The following IGSF9 variants were observed in gnomAD, a reference collection of about 807,000 sequenced individuals.
IGSF9 encodes the protein immunoglobulin superfamily member 9.
Under a neutral mutation model 121.7 loss-of-function variants are expected in IGSF9, and 87 were observed. That is an observed-to-expected ratio of 0.71 (90% CI 0.60 to 0.85). The LOEUF (loss-of-function observed/expected upper bound fraction) is 0.85, where lower values mean the gene tolerates loss of function less well. Among genes scored for constraint, IGSF9 ranks in the 40% least tolerant of loss-of-function variants. IGSF9 has a pLI of 0.00. For missense variants in IGSF9, 1,462 were observed against 1,565.3 expected, an observed-to-expected ratio of 0.93 and a Z score of 1.11; for synonymous variants, 640 against 648.4, an observed-to-expected ratio of 0.99 and a Z score of 0.20.
At chr1:159,933,984 C>T (rs201430271) in intron 9 of IGSF9, 1 of 600,936 alleles carries the variant, frequency 1.7e-6, no homozygotes, top group Non-Finnish European at 2.9e-6. Flanking sequence ...AAAGAAGACA[C>T]AAAACCACCA....
chr1:159,935,031 C>T (rs2101879107), intron 6 of IGSF9, among the ~76,000 whole-genome samples: 1 of 152,322 alleles, frequency 6.6e-6, no homozygotes, highest in South Asian at 2.1e-4. Context: ...CAAATTCTCT[C>T]TGTTCCATCA....
At chr1:159,939,021 C>G (rs975569353) in intron 3 of IGSF9, among the ~76,000 whole-genome samples, 1 of 151,980 alleles carries the variant, frequency 6.6e-6, no homozygotes, top group African/African-American at 2.4e-5. Context: ...CTAGATTCCT[C>G]GATTACCTCC....
At chr1:159,937,664 C>G (rs377333964) in intron 4 of IGSF9, 22 bp downstream of exon 4, 42 of 1,604,630 alleles carry the variant, frequency 2.6e-5, no homozygotes, top group Non-Finnish European at 3.4e-5. Context: ...CCTTCTCCAC[C>G]ACCTGCCCCC....
In IGSF9 at chr1:159,928,544, G is replaced by T; in HGVS notation, c.2844C>A (p.Ser948Arg). 1 of 1,552,288 alleles carries T rather than the reference G, an allele frequency of 6.4e-7. No homozygotes were observed. The highest frequency in any genetic ancestry group is 2.3e-5 in the East Asian group (1 of 43,892). ...DGDWPPLEEP[S>R]PAAPPDYMDT... ...CCATGTAATCTGGGGGTGCAGCAGG[G>T]CTGGGCTCCTCAAGCGGGGGCCAGT... is the stretch of plus-strand genomic sequence containing the variant. Residue 948 changes from serine (S) to arginine (R), a missense_variant, in exon 19 of 21, where the codon AGC becomes AGA. Physicochemically the swap from Ser to Arg is moderately radical, Grantham distance 110 (BLOSUM62 -1). This residue lies in a region of IGSF9 where 808 missense variants were observed against 815.2 expected (regional missense o/e 0.99). Transcript: ENST00000368094.
intron 3 of IGSF9, among the ~76,000 whole-genome samples, chr1:159,942,743 AGTGTGTGTGT>A (rs59358917): frequency 2.0e-5 from 3 of 150,288 alleles, no homozygotes; most frequent in Admixed American, 6.6e-5. Context: ...TAAGAGTGTG[AGTGTGTGTGT>A]GTGTGTGTGT....
At chr1:159,940,578 G>A (rs1651342545) in intron 3 of IGSF9, among the ~76,000 whole-genome samples, 1 of 152,192 alleles carries the variant, frequency 6.6e-6, no homozygotes, top group Non-Finnish European at 1.5e-5. Flanking sequence ...CACCTAAATG[G>A]GCAAGTTCAC....
chr1:159,928,874 TC>T lies in IGSF9; in HGVS notation c.2513del (p.Gly838AspfsTer17). On this transcript the variant is annotated frameshift_variant, in exon 19 of 21. Coordinates refer to ENST00000368094, the MANE Select transcript of IGSF9 (RefSeq NM_001135050.2). LOFTEE classifies it high-confidence loss of function. ...GGCAAATGGGCTCCAGAGGTAAGGG[TC>T]CCCGGCTAGATGGAGGATCCGGGTG... ...SPHPDPPSSR[G>X]PLPLEPICRG... The T allele has an allele frequency of 6.3e-7, 1 of 1,592,464 alleles. No individual in the cohort carries two copies. The highest frequency in any genetic ancestry group is 8.5e-7 in the Non-Finnish European group (1 of 1,170,110).
Position 159,928,158 on chromosome 1 carries a change from C to T in IGSF9, c.3230G>A (p.Arg1077Lys), listed in dbSNP as rs755610754. The change falls in exon 19 of 21, where the codon AGG becomes AAG. Residue 1077 changes from arginine to lysine, a missense_variant and splice_region_variant. By Grantham distance (26) the Arg-to-Lys change is conservative. Around this residue, in one of 3 missense-constraint regions of IGSF9, gnomAD observed 808 missense variants for 815.2 expected, o/e 0.99. Coordinates refer to ENST00000368094, the MANE Select transcript of IGSF9 (RefSeq NM_001135050.2). ...AGGGATGGGCAGGGACTGCTCTCAC[C>T]TCTTGCTGACTGTCACCACATGCTC... Reference protein sequence around the residue: ...RREHVVTVSKRRNTSVDENYE... With the variant: ...RREHVVTVSKKRNTSVDENYE... 1.2e-6 allele frequency: 2 copies of T among 1,606,114 alleles called. No individual in the cohort carries two copies. The highest frequency in any genetic ancestry group is 2.2e-5 in the East Asian group (1 of 44,880).
intron 3 of IGSF9, among the ~76,000 whole-genome samples, chr1:159,941,397 G>C (rs914743095): frequency 5.3e-5 from 8 of 152,240 alleles, no homozygotes; most frequent in African/African-American, 1.9e-4. Flanking sequence ...CCTCCCTCAG[G>C]TCCCAACTCC....
chr1:159,943,411 C>T lies in IGSF9; in HGVS notation c.44G>A (p.Ser15Asn), dbSNP rs1461355053. Reference sequence around the variant, plus strand: ...GCTCAGCTTACCGTCAGCCCCCTGGCTGATGACCAGGCTGAGGACGGCCAG... The same window carrying T: ...GCTCAGCTTACCGTCAGCCCCCTGGTTGATGACCAGGCTGAGGACGGCCAG... ...LGLAVLSLVI[S>N]QGADGRGKPE... The change falls in exon 2 of 21, where the codon AGC becomes AAC. Residue 15 changes from serine (S) to asparagine (N), a missense_variant. Ser to Asn is a conservative substitution (Grantham distance 46). This residue lies in a region of IGSF9 where 558 missense variants were observed against 599.4 expected (regional missense o/e 0.93). Transcript: ENST00000368094. The T allele has an allele frequency of 6.3e-7, 1 of 1,589,144 alleles. No homozygotes were observed. Among genetic ancestry groups the T allele is most frequent in the South Asian group, 1.2e-5 (1 of 86,892 alleles).
At position 159,934,463 on chromosome 1, in the gene IGSF9, A is replaced by T. The variant is rs1349277936; in HGVS notation, c.923T>A (p.Leu308Gln). 6.2e-7 allele frequency: 1 copy of T among 1,602,600 alleles called. No homozygotes were observed. The highest frequency in any genetic ancestry group is 2.3e-5 in the East Asian group (1 of 44,052). Residue 308 changes from leucine (L) to glutamine (Q), a missense_variant, in exon 8 of 21, where the codon CTG becomes CAG. Physicochemically the swap from Leu to Gln is moderately radical, Grantham distance 113. Around this residue, in one of 3 missense-constraint regions of IGSF9, gnomAD observed 558 missense variants for 599.4 expected, o/e 0.93. Transcript: ENST00000368094. ...CYTCVPSNGLLHPPSASAYLT... is the reference protein window; with the variant it reads ...CYTCVPSNGLQHPPSASAYLT... ...GTAGGCAGAGGCTGAGGGTGGATGCAGGAGGCCATTGCTGGGCACACAGGT... is the reference window on the plus strand; with the variant it reads ...GTAGGCAGAGGCTGAGGGTGGATGCTGGAGGCCATTGCTGGGCACACAGGT...
At chr1:159,934,089 C>A in intron 9 of IGSF9, 101 bp downstream of exon 9, 2 of 1,305,332 alleles carry the variant, frequency 1.5e-6, no homozygotes, top group South Asian at 1.3e-5. Context: ...GATGTGTGTC[C>A]CCAGTCACTG....
chr1:159,936,832 CACACA>C lies in IGSF9; in HGVS notation c.472_476del (p.Cys158GlyfsTer53). 1 of 1,614,232 alleles carries C rather than the reference CACACA, an allele frequency of 6.2e-7. No individual in the cohort carries two copies. Among genetic ancestry groups the C allele is most frequent in the Non-Finnish European group, 8.5e-7 (1 of 1,180,032 alleles). On this transcript the variant is annotated frameshift_variant, in exon 5 of 21. Coordinates refer to ENST00000368094, the MANE Select transcript of IGSF9 (RefSeq NM_001135050.2). LOFTEE classifies it high-confidence loss of function. ...CATGAGGCAGGGGGCTGCCACGGGCCACACAACGCAGGGTCACAGGCTCCAGTTCC... is the reference window on the plus strand; with the variant it reads ...CATGAGGCAGGGGGCTGCCACGGGCCACGCAGGGTCACAGGCTCCAGTTCC...
chr1:159,934,939 C>T (rs1364643192), intron 6 of IGSF9, 117 bp from the exon 7 acceptor site: 13 of 1,260,658 alleles, frequency 1.0e-5, no homozygotes, highest in Non-Finnish European at 1.4e-5. Context: ...CTCGTTGTTA[C>T]AGGGCTTTGG....
chr1:159,927,097 C>CACAGAGAGAGAGAGAGAGAG lies in IGSF9; in HGVS notation c.*247_*248insCTCTCTCTCTCTCTCTCTGT. The CACAGAGAGAGAGAGAGAGAG allele has an allele frequency of 2.7e-6, 1 of 370,038 alleles. No homozygotes were observed. Among genetic ancestry groups the CACAGAGAGAGAGAGAGAGAG allele is most frequent in the South Asian group, 3.8e-5 (1 of 26,206 alleles). 22.9% of individuals were successfully genotyped at this position (370,038 alleles called of 1,614,324 possible). ...AACTTCACACACACACACACACACA[C>CACAGAGAGAGAGAGAGAGAG]AGAGAGAGAGAGAGAGAGAGAGAGA... On this transcript the variant is annotated 3_prime_UTR_variant, in exon 21 of 21. Coordinates refer to ENST00000368094, the MANE Select transcript of IGSF9 (RefSeq NM_001135050.2).
In IGSF9 at chr1:159,932,829, G is replaced by A. The variant is rs1651044187; in HGVS notation, c.1105-177C>T. 2 of 614,428 alleles carry A rather than the reference G, an allele frequency of 3.3e-6. No individual in the cohort carries two copies. The highest frequency in any genetic ancestry group is 6.0e-5 in the East Asian group (2 of 33,590). 38.1% of individuals were successfully genotyped at this position (614,428 alleles called of 1,614,324 possible). On this transcript the variant is annotated intron_variant, in intron 9 of 20. Transcript: ENST00000368094. This position sits in a 1 kb window ranked among gnomAD's most constrained non-coding sequence, Gnocchi z 4.1. ...CAGTGCTTCCTTTCCTTCCTGCAGA[G>A]GGACCCCTCCCAATAGTGTGAGGCT...
Position 159,929,589 on chromosome 1 carries a change from A to C in IGSF9, c.2326+49T>G, listed in dbSNP as rs751733061. 9.0e-6 allele frequency: 14 copies of C among 1,556,176 alleles called. No homozygotes were observed. The African/African-American group carries it at 1.2e-4, about 14-fold the overall frequency. On this transcript the variant is annotated intron_variant, in intron 17 of 20. Coordinates refer to ENST00000368094, the MANE Select transcript of IGSF9 (RefSeq NM_001135050.2). Reference sequence around the variant, plus strand: ...TCCCCCAGGTAGGAGGGGCTTAAGGAGGCTAGGCCCAAGTGCGCAGTAGCA... The same window carrying C: ...TCCCCCAGGTAGGAGGGGCTTAAGGCGGCTAGGCCCAAGTGCGCAGTAGCA...
At chr1:159,943,232 G>T in intron 2 of IGSF9, 81 bp from the exon 3 acceptor site, 1 of 1,361,704 alleles carries the variant, frequency 7.3e-7, no homozygotes, top group Non-Finnish European at 9.9e-7. Context: ...ATCTCTGTAG[G>T]CACCTTAGGA....
At chr1:159,943,750 A>G in intron 1 of IGSF9, 122 bp from the exon 2 acceptor site, 1 of 281,598 alleles carries the variant, frequency 3.6e-6, no homozygotes, top group Non-Finnish European at 6.5e-6. Flanking sequence ...AGTGAGGGGT[A>G]GGGGGAAGGG....
Sources: allele counts gnomAD v4.1 joint callset (sites outside exome capture counted in the v4.1 genomes callset), GRCh38; gene constraint gnomAD v4.1.1; regional missense constraint gnomAD v4.1.1; non-coding constraint Gnocchi (gnomAD v3.1); transcripts MANE v1.5; gene names NCBI Gene and HGNC (gene_info 2026-07-23, HGNC 2026-07-21).